The following FAM3C variants were observed in gnomAD, a reference collection of about 807,000 sequenced individuals.
FAM3C encodes FAM3 metabolism regulating signaling molecule C, also known as protein FAM3C.
Under a neutral mutation model 32.5 loss-of-function variants are expected in FAM3C, and 15 were observed. That is an observed-to-expected ratio of 0.46 (90% CI 0.31 to 0.71). The LOEUF is 0.71. FAM3C is among the 30% of genes least tolerant of loss of function. The pLI, the probability that FAM3C is intolerant of heterozygous loss-of-function variation, is 0.05. For missense variants in FAM3C, 175 were observed against 274.4 expected (o/e 0.64, Z 2.56); for synonymous variants, 75 against 86.1 (o/e 0.87, Z 0.72).
intron 3 of FAM3C, among the ~76,000 whole-genome samples, chr7:121,377,344 T>C (rs1365667662): frequency 5.3e-5 from 8 of 152,170 alleles, no homozygotes; most frequent in Admixed American, 3.9e-4. Context: ...GAGAACCTAA[T>C]ATGGAAACTG....
intron 3 of FAM3C, among the ~76,000 whole-genome samples, chr7:121,373,505 A>G (rs1794186112): frequency 6.6e-6 from 1 of 152,210 alleles, no homozygotes; most frequent in Admixed American, 6.5e-5. Flanking sequence ...CTACACTGAT[A>G]GCTTCAATGC....
intron 3 of FAM3C, among the ~76,000 whole-genome samples, chr7:121,373,347 C>G (rs935345965): frequency 3.3e-5 from 5 of 152,156 alleles, no homozygotes; most frequent in Non-Finnish European, 7.3e-5. Flanking sequence ...ATCAAAAGCC[C>G]TGTACTAAGT....
At chr7:121,383,757 A>G (rs189893531) in intron 1 of FAM3C, among the ~76,000 whole-genome samples, 3 of 152,300 alleles carry the variant, frequency 2.0e-5, no homozygotes, top group African/African-American at 7.2e-5. Flanking sequence ...AACTCAAAAT[A>G]GGTGACATTT....
intron 7 of FAM3C, 108 bp downstream of exon 7, chr7:121,362,789 A>G (rs925231062): frequency 1.4e-6 from 1 of 692,738 alleles, no homozygotes; most frequent in Non-Finnish European, 2.6e-6. Context: ...GGGAAACAAA[A>G]TGAACTAACG....
chr7:121,382,722 G>C (rs1008443251), intron 2 of FAM3C, among the ~76,000 whole-genome samples: 3 of 150,760 alleles, frequency 2.0e-5, no homozygotes, highest in African/African-American at 7.3e-5. Flanking sequence ...TCAGATTTAA[G>C]AAGCTCAATG....
chr7:121,368,980 T>G (rs1420085119), intron 5 of FAM3C, among the ~76,000 whole-genome samples: 6 of 146,898 alleles, frequency 4.1e-5, no homozygotes, highest in African/African-American at 7.5e-5. Flanking sequence ...TTGTTTTTTT[T>G]TTTTTTTTTT....
At chr7:121,377,699 C>G (rs193094998) in intron 3 of FAM3C, among the ~76,000 whole-genome samples, 1 of 152,264 alleles carries the variant, frequency 6.6e-6, no homozygotes, top group East Asian at 1.9e-4. Flanking sequence ...GTAGTGCCAT[C>G]AGATTATAGT....
intron 1 of FAM3C, among the ~76,000 whole-genome samples, chr7:121,387,428 G>A (rs1249406560): frequency 2.0e-5 from 3 of 152,216 alleles, no homozygotes; most frequent in Admixed American, 1.3e-4. Flanking sequence ...CCTCTTAGAA[G>A]TACTACTACA....
At chr7:121,388,360 G>A (rs542971969) in intron 1 of FAM3C, among the ~76,000 whole-genome samples, 1 of 151,740 alleles carries the variant, frequency 6.6e-6, no homozygotes. Flanking sequence ...AAGTATCCCA[G>A]ATTTTTAAAG....
At chr7:121,360,842 A>G (rs531591520) in intron 7 of FAM3C, among the ~76,000 whole-genome samples, 1 of 152,288 alleles carries the variant, frequency 6.6e-6, no homozygotes, top group African/African-American at 2.4e-5. Flanking sequence ...CTCAAAAACA[A>G]AACAAAAAAA....
intron 1 of FAM3C, among the ~76,000 whole-genome samples, chr7:121,392,184 T>G (rs1794589958): frequency 6.6e-6 from 1 of 152,216 alleles, no homozygotes; most frequent in Admixed American, 6.5e-5. Flanking sequence ...GATGCTTCTA[T>G]TGTAAAATTT....
chr7:121,385,629 A>G (rs924805770), intron 1 of FAM3C, among the ~76,000 whole-genome samples: 1 of 152,224 alleles, frequency 6.6e-6, no homozygotes, highest in Non-Finnish European at 1.5e-5. Flanking sequence ...TCATTGTTCT[A>G]GAATAAATTA....
At chr7:121,356,794 C>A (rs1562883369) in intron 8 of FAM3C, among the ~76,000 whole-genome samples, 1 of 152,236 alleles carries the variant, frequency 6.6e-6, no homozygotes, top group East Asian at 1.9e-4. Flanking sequence ...TTAGCTTGCT[C>A]ATTCAAACCA....
At chr7:121,379,388 T>G (rs555552514) in intron 2 of FAM3C, among the ~76,000 whole-genome samples, 1 of 151,878 alleles carries the variant, frequency 6.6e-6, no homozygotes, top group East Asian at 1.9e-4. Flanking sequence ...CAATACTAGA[T>G]AGGATTTTTC....
At position 121,371,614 on chromosome 7, in the gene FAM3C, A is replaced by C. The variant is rs144314154; in HGVS notation, c.149-191T>G. Among the ~76,000 whole-genome samples, 38 of 152,328 alleles carry C rather than the reference A, an allele frequency of 2.5e-4. No homozygotes were observed. The East Asian group carries it at 7.3e-3, about 29-fold the overall frequency. Reference sequence around the variant, plus strand: ...AAAAATTTTTTTAAAAAAAAACAGCAACAAAGAAACCCACAACAGACACCA... The same window carrying C: ...AAAAATTTTTTTAAAAAAAAACAGCCACAAAGAAACCCACAACAGACACCA... On this transcript the variant is annotated intron_variant, in intron 4 of 9. Coordinates refer to ENST00000359943, the MANE Select transcript of FAM3C (RefSeq NM_014888.3).
At chr7:121,362,835 A>G (rs1197837981) in intron 7 of FAM3C, 62 bp downstream of exon 7, 2 of 846,220 alleles carry the variant, frequency 2.4e-6, no homozygotes, top group African/African-American at 1.7e-5. Context: ...AATGGGCTAC[A>G]TTGTATTGAG....
chr7:121,379,434 A>G (rs1357311993), intron 2 of FAM3C, among the ~76,000 whole-genome samples: 1 of 152,050 alleles, frequency 6.6e-6, no homozygotes, highest in Non-Finnish European at 1.5e-5. Flanking sequence ...CTAAGGCCAC[A>G]ATGTCCACTA....
intron 6 of FAM3C, among the ~76,000 whole-genome samples, chr7:121,363,903 A>G (rs946255586): frequency 3.9e-5 from 6 of 152,126 alleles, no homozygotes; most frequent in African/African-American, 1.4e-4. Context: ...GTTTCTGACA[A>G]TCTCATGGAA....
At chr7:121,359,430 A>G (rs982625305) in intron 8 of FAM3C, among the ~76,000 whole-genome samples, 1 of 152,056 alleles carries the variant, frequency 6.6e-6, no homozygotes, top group Admixed American at 6.5e-5. Context: ...ATATGCTATA[A>G]ATACTAGCAT....
Sources: allele counts gnomAD v4.1 joint callset (sites outside exome capture counted in the v4.1 genomes callset), GRCh38; gene constraint gnomAD v4.1.1; transcripts MANE v1.5; gene names NCBI Gene and HGNC (gene_info 2026-07-23, HGNC 2026-07-21).